Variants in LRRC4C observed in about 807,000 individuals in gnomAD.
The protein encoded by LRRC4C is leucine rich repeat containing 4C.
LRRC4C carries 5 observed loss-of-function variants against 33.6 expected under a neutral mutation model. That is an observed-to-expected ratio of 0.15 (90% CI 0.08 to 0.31). LRRC4C has a LOEUF of 0.31. Ranked by LOEUF, LRRC4C falls within the 10% of genes least tolerant of loss-of-function variation. The pLI, the probability that LRRC4C is intolerant of heterozygous loss-of-function variation, is 1.00. For missense variants in LRRC4C, 560 were observed against 796.7 expected (o/e 0.70, Z 3.58); for synonymous variants, 329 against 302.0 (o/e 1.09, Z -0.93).
rs561542034 is a variant in LRRC4C at position 40,698,683 on chromosome 11, C to G, written c.-406-50405G>C. Among the ~76,000 whole-genome samples the G allele has an allele frequency of 3.9e-5, 6 of 152,188 alleles. No individual in the cohort carries two copies. In the East Asian group the frequency reaches 1.2e-3, roughly 29 times the overall value. Reference sequence around the variant, plus strand: ...TTCTTGCTGCTGATAAAGACATACCCAAGACTGGGCAATGTATGAAGAAAA... The same window carrying G: ...TTCTTGCTGCTGATAAAGACATACCGAAGACTGGGCAATGTATGAAGAAAA... On this transcript the variant is annotated intron_variant, in intron 2 of 6. Coordinates refer to ENST00000528697, the MANE Select transcript of LRRC4C (RefSeq NM_001258419.2).
intron 1 of LRRC4C, chr11:41,394,454 G>A (rs1953727359): frequency 6.6e-6 from 1 of 151,910 alleles, no homozygotes; most frequent in Non-Finnish European, 1.5e-5. Context: ...AGCAGTGGGT[G>A]ACATACCTTT....
At chr11:40,814,749 C>G (rs751202767) in intron 2 of LRRC4C, among the ~76,000 whole-genome samples, 23 of 151,896 alleles carry the variant, frequency 1.5e-4, no homozygotes, top group Non-Finnish European at 1.0e-4. Context: ...TTTTACAAAT[C>G]TCTAGGGCAG....
intron 6 of LRRC4C, among the ~76,000 whole-genome samples, chr11:40,126,038 C>G (rs1291050313): frequency 6.6e-6 from 1 of 151,690 alleles, no homozygotes; most frequent in Non-Finnish European, 1.5e-5. Context: ...AATGGAAATG[C>G]TACAACATTT....
At chr11:40,167,711 G>A (rs1302009982) in intron 5 of LRRC4C, among the ~76,000 whole-genome samples, 1 of 151,984 alleles carries the variant, frequency 6.6e-6, no homozygotes, top group Non-Finnish European at 1.5e-5. Context: ...ATTAAGGCAG[G>A]GTAGAAAAAG....
chr11:41,153,513 T>G (rs1944092725), intron 1 of LRRC4C, among the ~76,000 whole-genome samples: 1 of 152,166 alleles, frequency 6.6e-6, no homozygotes, highest in Non-Finnish European at 1.5e-5. Context: ...GTTGAATATA[T>G]GAGGGTTTTG....
At chr11:40,715,781 T>C (rs1465410869) in intron 2 of LRRC4C, among the ~76,000 whole-genome samples, 1 of 152,142 alleles carries the variant, frequency 6.6e-6, no homozygotes, top group African/African-American at 2.4e-5. Flanking sequence ...TCCCAGCACT[T>C]TGGGAGGCTG....
chr11:40,831,525 T>C (rs1952411212), intron 2 of LRRC4C, among the ~76,000 whole-genome samples: 1 of 152,152 alleles, frequency 6.6e-6, no homozygotes, highest in African/African-American at 2.4e-5. Context: ...ATTCTTAAAA[T>C]GTAATTCAAT....
chr11:40,433,652 C>T (rs1209464698), intron 3 of LRRC4C, among the ~76,000 whole-genome samples: 1 of 152,132 alleles, frequency 6.6e-6, no homozygotes, highest in Non-Finnish European at 1.5e-5. Flanking sequence ...GGAGAGAGAA[C>T]ATGTGCATGC....
At chr11:40,545,091 C>T (rs1199137219) in intron 3 of LRRC4C, among the ~76,000 whole-genome samples, 1 of 151,964 alleles carries the variant, frequency 6.6e-6, no homozygotes, top group Non-Finnish European at 1.5e-5. Flanking sequence ...CACCTTGTCT[C>T]TGAAGCCTCC....
At chr11:40,244,868 A>G (rs898074942) in intron 4 of LRRC4C, among the ~76,000 whole-genome samples, 5 of 152,140 alleles carry the variant, frequency 3.3e-5, no homozygotes, top group Non-Finnish European at 5.9e-5. Flanking sequence ...ATTTATTATT[A>G]CCACTTATAT....
chr11:40,877,567 C>T (rs1458257382), intron 2 of LRRC4C, among the ~76,000 whole-genome samples: 1 of 152,090 alleles, frequency 6.6e-6, no homozygotes, highest in African/African-American at 2.4e-5. Flanking sequence ...AAACACATGC[C>T]ACCTTTGGAA....
chr11:41,241,535 C>CA, intron 1 of LRRC4C, among the ~76,000 whole-genome samples: 1 of 152,048 alleles, frequency 6.6e-6, no homozygotes, highest in South Asian at 2.1e-4. Flanking sequence ...AATTTGAAGG[C>CA]AAAAAATGAC....
chr11:40,666,291 T>C (rs1306196944), intron 2 of LRRC4C, among the ~76,000 whole-genome samples: 1 of 152,172 alleles, frequency 6.6e-6, no homozygotes, highest in Non-Finnish European at 1.5e-5. Flanking sequence ...CATATTTTTA[T>C]AGGTACATTT....
At chr11:41,392,240 C>T (rs1017457036) in intron 1 of LRRC4C, among the ~76,000 whole-genome samples, 7 of 151,816 alleles carry the variant, frequency 4.6e-5, no homozygotes, top group African/African-American at 1.7e-4. Context: ...CTCTTTCCCA[C>T]GTATGATGTA....
intron 1 of LRRC4C, among the ~76,000 whole-genome samples, chr11:41,016,783 G>A (rs1855613344): frequency 6.6e-6 from 1 of 152,078 alleles, no homozygotes; most frequent in Non-Finnish European, 1.5e-5. Context: ...TGAAAGATTT[G>A]AAAATTACCA....
chr11:40,355,606 C>A (rs536814715), intron 3 of LRRC4C, among the ~76,000 whole-genome samples: 10 of 152,278 alleles, frequency 6.6e-5, no homozygotes, highest in Admixed American at 1.3e-4. Flanking sequence ...CAGGGCAGCA[C>A]TGAGTTCCAA....
At chr11:40,950,595 T>C (rs1050330904) in intron 1 of LRRC4C, among the ~76,000 whole-genome samples, 4 of 152,094 alleles carry the variant, frequency 2.6e-5, no homozygotes, top group Non-Finnish European at 5.9e-5. Context: ...TGGAAACTTA[T>C]GATAACAAAT....
chr11:41,363,008 A>G (rs1591355383), intron 1 of LRRC4C, among the ~76,000 whole-genome samples: 1 of 152,150 alleles, frequency 6.6e-6, no homozygotes, highest in East Asian at 1.9e-4. Flanking sequence ...CCAGATATCT[A>G]TGGGAGCCAT....
At chr11:41,272,786 C>A (rs1203407533) in intron 1 of LRRC4C, among the ~76,000 whole-genome samples, 1 of 152,094 alleles carries the variant, frequency 6.6e-6, no homozygotes, top group African/African-American at 2.4e-5. Flanking sequence ...TTTATGCCAA[C>A]CTTAATCAGA....
Sources: allele counts gnomAD v4.1 joint callset (sites outside exome capture counted in the v4.1 genomes callset), GRCh38; gene constraint gnomAD v4.1.1; transcripts MANE v1.5; gene names NCBI Gene and HGNC (gene_info 2026-07-23, HGNC 2026-07-21).